FSTL4: variants seen among roughly 807,000 people sequenced by gnomAD.
The protein encoded by FSTL4 is follistatin-related protein 4.
A neutral mutation model predicts 78.2 loss-of-function variants in FSTL4; 28 were observed. The ratio of observed to expected loss-of-function variants is 0.36; its 90% confidence interval spans 0.27 to 0.49. The LOEUF is 0.49. FSTL4 is among the 20% of genes least tolerant of loss of function. FSTL4 has a pLI of 0.98. For missense variants in FSTL4, 922 were observed against 1,084.9 expected, an observed-to-expected ratio of 0.85 and a Z score of 2.11; for synonymous variants, 422 against 440.5, an observed-to-expected ratio of 0.96 and a Z score of 0.53.
the FSTL4 span, among the ~76,000 whole-genome samples, chr5:133,800,876 C>T: frequency 6.6e-6 from 1 of 151,936 alleles, no homozygotes; most frequent in Non-Finnish European, 1.5e-5. Context: ...CAAAGCTGCT[C>T]AGCTATATCT....
the FSTL4 span, among the ~76,000 whole-genome samples, chr5:133,656,807 A>G: frequency 6.6e-6 from 1 of 152,158 alleles, no homozygotes; most frequent in African/African-American, 2.4e-5. Context: ...TGGTTGTTGG[A>G]TGGAGAATAG....
intron 3 of FSTL4, among the ~76,000 whole-genome samples, chr5:133,405,495 C>T (rs886168496): frequency 6.6e-6 from 1 of 152,192 alleles, no homozygotes; most frequent in African/African-American, 2.4e-5. Flanking sequence ...CAGGTACTGA[C>T]ACACCAACAC....
intron 3 of FSTL4, among the ~76,000 whole-genome samples, chr5:133,430,897 T>G (rs1756921346): frequency 6.6e-6 from 1 of 152,200 alleles, no homozygotes; most frequent in Non-Finnish European, 1.5e-5. Flanking sequence ...GGACACCTTA[T>G]ACAAACAAGA....
intron 3 of FSTL4, among the ~76,000 whole-genome samples, chr5:133,521,303 C>A (rs1379545588): frequency 2.6e-5 from 4 of 152,228 alleles, no homozygotes; most frequent in Non-Finnish European, 4.4e-5. Flanking sequence ...GTCGGGCAGG[C>A]TGTCACTTGC....
At chr5:133,320,464 G>A (rs1194303660) in intron 4 of FSTL4, among the ~76,000 whole-genome samples, 2 of 152,046 alleles carry the variant, frequency 1.3e-5, no homozygotes, top group Admixed American at 1.3e-4. Context: ...AATTCTAGAA[G>A]AAATACATGC....
chr5:133,348,100 G>C (rs1754735907), intron 4 of FSTL4, among the ~76,000 whole-genome samples: 1 of 152,136 alleles, frequency 6.6e-6, no homozygotes, highest in South Asian at 2.1e-4. Flanking sequence ...TAAGACATGA[G>C]GCTGAATGTT....
At chr5:133,520,682 G>A (rs1187032659) in intron 3 of FSTL4, among the ~76,000 whole-genome samples, 1 of 152,116 alleles carries the variant, frequency 6.6e-6, no homozygotes, top group Non-Finnish European at 1.5e-5. Flanking sequence ...TAAGAGCAGG[G>A]TTGCTTTTAT....
At chr5:133,793,030 G>GA in the FSTL4 span, among the ~76,000 whole-genome samples, 30 of 151,902 alleles carry the variant, frequency 2.0e-4, no homozygotes, top group Admixed American at 4.6e-4. Flanking sequence ...TAATTCCTTG[G>GA]AATTCTATAA....
At chr5:133,737,657 T>G in the FSTL4 span, among the ~76,000 whole-genome samples, 1 of 142,068 alleles carries the variant, frequency 7.0e-6, no homozygotes, top group Non-Finnish European at 1.5e-5. Flanking sequence ...CAGGCTAGAG[T>G]GCAGTGGTGC....
the FSTL4 span, among the ~76,000 whole-genome samples, chr5:133,747,104 C>G: frequency 6.6e-6 from 1 of 152,172 alleles, no homozygotes; most frequent in African/African-American, 2.4e-5. Context: ...CCTCATGCCA[C>G]CCCGCCTGTT....
At chr5:133,394,661 G>C (rs190611545) in intron 4 of FSTL4, among the ~76,000 whole-genome samples, 1 of 152,212 alleles carries the variant, frequency 6.6e-6, no homozygotes, top group African/African-American at 2.4e-5. Flanking sequence ...TGCGTGGCCC[G>C]AGCCTCCCCA....
At chr5:133,319,196 G>A (rs541404507) in intron 4 of FSTL4, among the ~76,000 whole-genome samples, 3 of 152,322 alleles carry the variant, frequency 2.0e-5, no homozygotes, top group South Asian at 4.1e-4. Context: ...CTGCCCAACA[G>A]ACACCTTCTG....
chr5:133,515,830 T>A (rs544660244), intron 3 of FSTL4, among the ~76,000 whole-genome samples: 14 of 152,234 alleles, frequency 9.2e-5, no homozygotes, highest in Admixed American at 7.8e-4. Context: ...GCAAGGTTGG[T>A]AATAACATCA....
intron 2 of FSTL4, among the ~76,000 whole-genome samples, chr5:133,595,812 G>A (rs577931993): frequency 3.3e-5 from 5 of 152,270 alleles, no homozygotes; most frequent in East Asian, 1.9e-4. Context: ...TATTTCACTC[G>A]TGGCAAACCT....
the FSTL4 span, among the ~76,000 whole-genome samples, chr5:133,624,155 C>T: frequency 2.6e-5 from 4 of 151,832 alleles, no homozygotes; most frequent in Admixed American, 6.6e-5. Context: ...CATGAATGTT[C>T]GCAGCAGCAA....
At chr5:133,624,049 C>A in the FSTL4 span, among the ~76,000 whole-genome samples, 2,301 of 151,990 alleles carry the variant, frequency 0.015, 40 homozygotes, top group Admixed American at 0.059. Context: ...TGTGGTGGGT[C>A]CTTAAAAGTT....
chr5:133,412,607 A>C (rs780415537), intron 3 of FSTL4, among the ~76,000 whole-genome samples: 2 of 152,202 alleles, frequency 1.3e-5, no homozygotes, highest in Non-Finnish European at 2.9e-5. Flanking sequence ...ATTATCGTAC[A>C]ACAAACGGAT....
chr5:133,807,565 C>T, the FSTL4 span, among the ~76,000 whole-genome samples: 1 of 152,212 alleles, frequency 6.6e-6, no homozygotes, highest in East Asian at 1.9e-4. Context: ...TGTTCCCTCT[C>T]TTTCCACCAG....
intron 6 of FSTL4, among the ~76,000 whole-genome samples, chr5:133,302,437 TACAA>T (rs1460132550): frequency 5.9e-5 from 9 of 152,160 alleles, no homozygotes; most frequent in African/African-American, 2.2e-4. Context: ...AAGACTTGGG[TACAA>T]ACACTTTACT....
Sources: gnomAD v4.1 joint callset for allele counts (sites outside exome capture counted in the v4.1 genomes callset) on GRCh38, gnomAD v4.1.1 for gene constraint, MANE v1.5 for transcripts, NCBI Gene and HGNC (gene_info 2026-07-23, HGNC 2026-07-21) for gene names.